The following CNTNAP4 variants were observed in gnomAD, a reference collection of about 807,000 sequenced individuals.
The protein encoded by CNTNAP4 is contactin associated protein family member 4, also known as contactin-associated protein-like 4.
A neutral mutation model predicts 148.4 loss-of-function variants in CNTNAP4; 98 were observed. The ratio of observed to expected loss-of-function variants is 0.66; its 90% confidence interval spans 0.56 to 0.78. The LOEUF is 0.78. Among genes scored for constraint, CNTNAP4 ranks in the 30% least tolerant of loss-of-function variants. CNTNAP4 has a pLI of 0.00. For synonymous variants in CNTNAP4, 730 were observed against 565.1 expected, an observed-to-expected ratio of 1.29 and a Z score of -4.14; for missense variants, 1,935 against 1,565.6, an observed-to-expected ratio of 1.24 and a Z score of -3.98.
At chr16:76,447,873 C>G (rs967990993) in intron 4 of CNTNAP4, 139 bp from the exon 5 acceptor site, 106 of 620,852 alleles carry the variant, frequency 1.7e-4, no homozygotes, top group African/African-American at 1.5e-3. Context: ...GGATATAACT[C>G]CATCATTAGT....
intron 2 of CNTNAP4, among the ~76,000 whole-genome samples, chr16:76,353,183 A>G (rs754838535): frequency 6.6e-6 from 1 of 152,194 alleles, no homozygotes; most frequent in Non-Finnish European, 1.5e-5. Flanking sequence ...CTTTTGACAC[A>G]TGGAGTGGAA....
intron 2 of CNTNAP4, among the ~76,000 whole-genome samples, chr16:76,335,452 A>T (rs759307415): frequency 2.6e-5 from 4 of 152,202 alleles, no homozygotes; most frequent in Non-Finnish European, 5.9e-5. Flanking sequence ...GAAAGGGAAG[A>T]TGAGCAGGCA....
intron 12 of CNTNAP4, 41 bp downstream of exon 12, chr16:76,479,579 C>A: frequency 1.3e-6 from 2 of 1,582,216 alleles, no homozygotes; most frequent in East Asian, 2.3e-5. Flanking sequence ...AATTTGCATG[C>A]ATGTTTTAAA....
At chr16:76,280,373 C>T (rs1430281307) in intron 1 of CNTNAP4, among the ~76,000 whole-genome samples, 1 of 152,004 alleles carries the variant, frequency 6.6e-6, no homozygotes, top group African/African-American at 2.4e-5. Context: ...TATATGTTCA[C>T]ATATATGTAT....
At chr16:76,318,861 T>C (rs1004901433) in intron 2 of CNTNAP4, among the ~76,000 whole-genome samples, 3 of 151,648 alleles carry the variant, frequency 2.0e-5, no homozygotes, top group Non-Finnish European at 4.4e-5. Flanking sequence ...TAGGAAAAAG[T>C]GTTCAGCCAA....
At chr16:76,311,705 CAA>C (rs1961135039) in intron 1 of CNTNAP4, among the ~76,000 whole-genome samples, 1 of 152,068 alleles carries the variant, frequency 6.6e-6, no homozygotes, top group Admixed American at 6.6e-5. Context: ...TTGAAAGAAA[CAA>C]TGATGAACTC....
intron 8 of CNTNAP4, among the ~76,000 whole-genome samples, chr16:76,456,985 G>A (rs1029634652): frequency 1.3e-5 from 2 of 152,114 alleles, no homozygotes; most frequent in Non-Finnish European, 2.9e-5. Context: ...CCCAGTATTT[G>A]TTATAAGTAA....
intron 3 of CNTNAP4, among the ~76,000 whole-genome samples, chr16:76,373,849 C>T (rs2015121348): frequency 6.8e-6 from 1 of 146,636 alleles, no homozygotes; most frequent in Non-Finnish European, 1.5e-5. Context: ...GAGCCAAGAT[C>T]ACGCCATTGC....
intron 17 of CNTNAP4, among the ~76,000 whole-genome samples, chr16:76,529,845 G>GTGTGTA (rs1438793715): frequency 2.1e-5 from 3 of 139,800 alleles, no homozygotes; most frequent in African/African-American, 7.7e-5. Flanking sequence ...AATCTCAGCT[G>GTGTGTA]TGTGTGTGTG....
rs543839177 is a variant in CNTNAP4, at chr16:76,438,060, A to T, written c.539-9952A>T. Among the ~76,000 whole-genome samples the T allele has an allele frequency of 1.0e-3, 158 of 152,314 alleles. 2 individuals carry two copies. Among genetic ancestry groups the T allele is most frequent in the Admixed American group, 5.2e-4 (8 of 15,272 alleles). On this transcript the variant is annotated intron_variant, in intron 4 of 23. Coordinates refer to ENST00000611870, the MANE Select transcript of CNTNAP4 (RefSeq NM_033401.5). Reference sequence around the variant, plus strand: ...GAATAAGGGAAGTAAACTTTGGGAAATCCACATTTATCTTGCTTTTACCAA... The same window carrying T: ...GAATAAGGGAAGTAAACTTTGGGAATTCCACATTTATCTTGCTTTTACCAA...
chr16:76,515,374 T>C (rs2083207202), intron 15 of CNTNAP4, among the ~76,000 whole-genome samples: 1 of 152,048 alleles, frequency 6.6e-6, no homozygotes, highest in Admixed American at 6.6e-5. Flanking sequence ...AATGAGGTGG[T>C]AAGGGTGGTG....
At chr16:76,465,451 T>C (rs2081141133) in intron 9 of CNTNAP4, among the ~76,000 whole-genome samples, 1 of 152,204 alleles carries the variant, frequency 6.6e-6, no homozygotes, top group Non-Finnish European at 1.5e-5. Context: ...TTCCATGATC[T>C]TTCCTGGTGA....
chr16:76,522,832 G>A (rs1258964419), intron 17 of CNTNAP4, among the ~76,000 whole-genome samples: 6 of 149,622 alleles, frequency 4.0e-5, no homozygotes, highest in South Asian at 2.1e-4. Flanking sequence ...GTGCGATCTC[G>A]GCTCACTGCA....
At chr16:76,542,148 A>G (rs2084490159) in intron 21 of CNTNAP4, among the ~76,000 whole-genome samples, 1 of 152,216 alleles carries the variant, frequency 6.6e-6, no homozygotes, top group Admixed American at 6.5e-5. Flanking sequence ...TCAGATGCAT[A>G]GAAAAACATG....
At chr16:76,434,114 T>A (rs967615135) in intron 4 of CNTNAP4, among the ~76,000 whole-genome samples, 2 of 148,730 alleles carry the variant, frequency 1.3e-5, no homozygotes, top group Non-Finnish European at 3.0e-5. Flanking sequence ...ATTTGTATAA[T>A]TAAAATATAT....
chr16:76,446,066 A>G (rs1181951413), intron 4 of CNTNAP4, among the ~76,000 whole-genome samples: 1 of 132,372 alleles, frequency 7.6e-6, no homozygotes, highest in Non-Finnish European at 1.6e-5. Flanking sequence ...TGAATTCTCT[A>G]TAAGCACATT....
chr16:76,420,581 G>T (rs2079153580), intron 3 of CNTNAP4, among the ~76,000 whole-genome samples: 1 of 151,820 alleles, frequency 6.6e-6, no homozygotes, highest in Non-Finnish European at 1.5e-5. Flanking sequence ...CTTACAAAAA[G>T]CCTATGGAAG....
chr16:76,416,055 T>C (rs1268466170), intron 3 of CNTNAP4, among the ~76,000 whole-genome samples: 1 of 151,222 alleles, frequency 6.6e-6, no homozygotes, highest in East Asian at 1.9e-4. Context: ...CCTTAACTCA[T>C]TTATCTTCTG....
intron 2 of CNTNAP4, among the ~76,000 whole-genome samples, chr16:76,331,894 C>G (rs1172992972): frequency 2.0e-5 from 3 of 152,188 alleles, no homozygotes; most frequent in Admixed American, 2.0e-4. Flanking sequence ...TCCTGTTGGA[C>G]AGGCCTACAG....
Sources: gnomAD v4.1 joint callset for allele counts (sites outside exome capture counted in the v4.1 genomes callset) on GRCh38, gnomAD v4.1.1 for gene constraint, MANE v1.5 for transcripts, NCBI Gene and HGNC (gene_info 2026-07-23, HGNC 2026-07-21) for gene names.